The following THSD7B variants were observed in gnomAD, a reference collection of about 807,000 sequenced individuals.
THSD7B encodes thrombospondin type-1 domain-containing protein 7B.
THSD7B carries 138 observed loss-of-function variants against 213.6 expected under a neutral mutation model. That is an observed-to-expected ratio of 0.65 (90% CI 0.56 to 0.74). THSD7B has a LOEUF of 0.74. THSD7B is among the 30% of genes least tolerant of loss of function. THSD7B has a pLI of 0.00. For missense variants in THSD7B, 1,931 were observed against 1,991.5 expected, an observed-to-expected ratio of 0.97 and a Z score of 0.58; for synonymous variants, 742 against 687.0, an observed-to-expected ratio of 1.08 and a Z score of -1.25.
At chr2:137,242,378 G>T (rs531657133) in intron 9 of THSD7B, 79 bp from the exon 10 acceptor site, 5 of 1,080,316 alleles carry the variant, frequency 4.6e-6, no homozygotes, top group East Asian at 2.4e-5. Flanking sequence ...TAATATTTTC[G>T]GTTCTAAAAT....
chr2:136,988,706 A>G (rs776953251), intron 2 of THSD7B, among the ~76,000 whole-genome samples: 8 of 152,344 alleles, frequency 5.3e-5, no homozygotes, highest in African/African-American at 4.8e-5. Flanking sequence ...CCTGCCAATG[A>G]TACTTTATTT....
At chr2:137,463,677 G>T (rs555907599) in intron 15 of THSD7B, among the ~76,000 whole-genome samples, 5 of 152,186 alleles carry the variant, frequency 3.3e-5, no homozygotes, top group African/African-American at 1.2e-4. Context: ...AAGAGGAGAA[G>T]GACATATTGG....
chr2:137,600,639 A>T (rs1478536281), intron 17 of THSD7B, among the ~76,000 whole-genome samples: 1 of 152,152 alleles, frequency 6.6e-6, no homozygotes. Context: ...TTGAGAGGCT[A>T]AGGTATGAGA....
chr2:137,572,295 G>T, intron 16 of THSD7B, 111 bp from the exon 17 acceptor site: 1 of 1,313,408 alleles, frequency 7.6e-7, no homozygotes, highest in Non-Finnish European at 1.0e-6. Context: ...TTTCTGTGCT[G>T]GTCTTATGTT....
At chr2:137,032,532 CCT>C (rs903222934) in intron 2 of THSD7B, among the ~76,000 whole-genome samples, 5 of 151,990 alleles carry the variant, frequency 3.3e-5, no homozygotes, top group African/African-American at 9.7e-5. Flanking sequence ...TTATTCTCTC[CCT>C]CTCTCTCTCA....
In THSD7B at chr2:137,115,118, A is replaced by G. The variant is rs754955137; in HGVS notation, c.1200-6A>G. On this transcript the variant is annotated splice_polypyrimidine_tract_variant and splice_region_variant and intron_variant, in intron 4 of 27. Transcript: ENST00000409968. ...CTTCTTCTTTTAAATAAACCAAACC[A>G]AACAGGTATTCCTGGAGAACTTCTG... 2.5e-6 allele frequency: 4 copies of G among 1,613,832 alleles called. No homozygotes were observed. Among genetic ancestry groups the G allele is most frequent in the African/African-American group, 1.3e-5 (1 of 74,918 alleles).
chr2:137,556,508 C>A (rs1680970964), intron 15 of THSD7B, among the ~76,000 whole-genome samples: 1 of 152,098 alleles, frequency 6.6e-6, no homozygotes, highest in Non-Finnish European at 1.5e-5. Context: ...ATTTTGTCAC[C>A]ACCAGGCCTG....
At chr2:137,331,764 G>A (rs1684514501) in intron 12 of THSD7B, among the ~76,000 whole-genome samples, 1 of 152,222 alleles carries the variant, frequency 6.6e-6, no homozygotes, top group African/African-American at 2.4e-5. Context: ...AGGGAAGGCA[G>A]CTAAGGCTCG....
chr2:137,305,474 C>T (rs1683720214), intron 12 of THSD7B, among the ~76,000 whole-genome samples: 1 of 152,090 alleles, frequency 6.6e-6, no homozygotes, highest in Admixed American at 6.6e-5. Context: ...CATGTCCATT[C>T]ATGCTATCTT....
chr2:136,897,824 C>G (rs888099582), intron 2 of THSD7B, among the ~76,000 whole-genome samples: 1 of 150,618 alleles, frequency 6.6e-6, no homozygotes, highest in Admixed American at 6.6e-5. Context: ...AAACCTTCAG[C>G]TAGACACAGA....
At chr2:137,297,839 A>G (rs147669909) in intron 12 of THSD7B, among the ~76,000 whole-genome samples, 1 of 151,708 alleles carries the variant, frequency 6.6e-6, no homozygotes, top group East Asian at 1.9e-4. Context: ...TAATTGTGAG[A>G]CCTCCTCCAG....
intron 15 of THSD7B, among the ~76,000 whole-genome samples, chr2:137,537,398 A>G (rs769255123): frequency 1.3e-5 from 2 of 151,730 alleles, no homozygotes; most frequent in Non-Finnish European, 3.0e-5. Context: ...AGGCTATATA[A>G]TAATATATAA....
intron 1 of THSD7B, among the ~76,000 whole-genome samples, chr2:136,768,278 A>G (rs973724281): frequency 6.6e-6 from 1 of 152,216 alleles, no homozygotes; most frequent in Admixed American, 6.5e-5. Context: ...AAAGCAGAAT[A>G]AAAAGATAGG....
At chr2:137,290,079 C>T (rs947255251) in intron 12 of THSD7B, among the ~76,000 whole-genome samples, 25 of 151,202 alleles carry the variant, frequency 1.7e-4, no homozygotes, top group African/African-American at 6.1e-4. Context: ...ATTTTAAATC[C>T]AGTAATTACT....
chr2:137,182,562 C>T (rs999851115), intron 7 of THSD7B, among the ~76,000 whole-genome samples: 2 of 152,104 alleles, frequency 1.3e-5, no homozygotes, highest in African/African-American at 2.4e-5. Context: ...AGGGTCATTA[C>T]CTTGTATGTT....
chr2:137,628,286 T>G (rs574176607), intron 20 of THSD7B, among the ~76,000 whole-genome samples: 1 of 152,340 alleles, frequency 6.6e-6, no homozygotes, highest in East Asian at 1.9e-4. Flanking sequence ...TTCTACACAC[T>G]ATACTCATAG....
intron 21 of THSD7B, among the ~76,000 whole-genome samples, chr2:137,646,500 A>G (rs1683033629): frequency 6.7e-6 from 1 of 150,334 alleles, no homozygotes; most frequent in Admixed American, 6.6e-5. Flanking sequence ...AAAAAAAAAA[A>G]AAAAAGCTGA....
intron 15 of THSD7B, among the ~76,000 whole-genome samples, chr2:137,480,048 C>T (rs1028350355): frequency 3.3e-5 from 5 of 152,176 alleles, no homozygotes; most frequent in African/African-American, 1.2e-4. Flanking sequence ...TATCTAGGCA[C>T]CCAACGAAGT....
At chr2:137,583,696 A>G (rs532937563) in intron 17 of THSD7B, among the ~76,000 whole-genome samples, 155 of 152,184 alleles carry the variant, frequency 1.0e-3, no homozygotes, top group African/African-American at 3.6e-3. Flanking sequence ...CCATTGGTCT[A>G]TATCTCTGTT....
Sources: gnomAD v4.1 joint callset for allele counts (sites outside exome capture counted in the v4.1 genomes callset) on GRCh38, gnomAD v4.1.1 for gene constraint, MANE v1.5 for transcripts, NCBI Gene and HGNC (gene_info 2026-07-23, HGNC 2026-07-21) for gene names.